PROC: variants seen among roughly 807,000 people sequenced by gnomAD.
PROC encodes the protein protein C, inactivator of coagulation factors Va and VIIIa.
A neutral mutation model predicts 36.3 loss-of-function variants in PROC; 22 were observed. That is an observed-to-expected ratio of 0.61 (90% CI 0.43 to 0.86). The LOEUF is 0.86. PROC is among the 40% of genes least tolerant of loss of function. The pLI is 0.00. For missense variants in PROC, 526 were observed against 629.7 expected, an observed-to-expected ratio of 0.84 and a Z score of 1.76; for synonymous variants, 218 against 244.5, an observed-to-expected ratio of 0.89 and a Z score of 1.01.
Position 127,426,106 on chromosome 2 carries a change from C to T in PROC, c.557C>T (p.Pro186Leu). Residue 186 changes from proline to leucine, a missense_variant, in exon 7 of 9, where the codon CCC (proline) becomes CTC (leucine). Physicochemically the swap from Pro to Leu is moderately conservative, Grantham distance 98. Transcript: ENST00000234071. This position sits in a 1 kb window ranked among gnomAD's most constrained non-coding sequence, Gnocchi z 7.0. The stretch of plus-strand genomic sequence containing the variant: ...TCAGTGAAGTTCCCTTGTGGGAGGC[C>T]CTGGAAGCGGATGGAGAAGAAGCGC... ...HPAVKFPCGR[P>L]WKRMEKKRSH... 1 of 1,614,000 alleles carries T rather than the reference C, an allele frequency of 6.2e-7. No individual in the cohort carries two copies. The highest frequency in any genetic ancestry group is 1.3e-5 in the African/African-American group (1 of 75,000).
chr2:127,420,298 T>C (rs1688015556), intron 2 of PROC, among the ~76,000 whole-genome samples: 1 of 152,050 alleles, frequency 6.6e-6, no homozygotes, highest in South Asian at 2.1e-4. Context: ...GGGCCTTCCC[T>C]CTCCACCCAC....
At chr2:127,423,226 G>C in intron 5 of PROC, 48 bp from the exon 6 acceptor site, 2 of 1,526,838 alleles carry the variant, frequency 1.3e-6, no homozygotes, top group Non-Finnish European at 1.8e-6. Flanking sequence ...GGGCCGGGTT[G>C]GGGGCGCGGC....
At chr2:127,423,583 A>C in intron 6 of PROC, 175 bp downstream of exon 6, 1 of 817,104 alleles carries the variant, frequency 1.2e-6, no homozygotes, top group Non-Finnish European at 1.8e-6. Flanking sequence ...TGTTAGCGCA[A>C]TCAGCCCGGG....
At chr2:127,420,100 A>C in intron 2 of PROC, 88 bp downstream of exon 2, 2 of 1,434,848 alleles carry the variant, frequency 1.4e-6, no homozygotes, top group Non-Finnish European at 1.9e-6. Flanking sequence ...AGCTTCCACC[A>C]TCTCTCTGAG....
At chr2:127,427,904 G>A (rs1688627059) in intron 8 of PROC, among the ~76,000 whole-genome samples, 1 of 152,174 alleles carries the variant, frequency 6.6e-6, no homozygotes, top group Non-Finnish European at 1.5e-5. Context: ...GTGGGACCCG[G>A]CCCTGTCCTC....
rs527647588 is a variant in PROC, at chr2:127,423,177, G to T, written c.400+6G>T. Reference sequence around the variant, plus strand: ...GGGCCGCTTCTGCCAGCGCGGTGAGGGGGAGAGGTGGATGCTGGCGGGCGG... The same window carrying T: ...GGGCCGCTTCTGCCAGCGCGGTGAGTGGGAGAGGTGGATGCTGGCGGGCGG... On this transcript the variant is annotated splice_donor_region_variant and intron_variant, in intron 5 of 8. Transcript: ENST00000234071. 2.0e-4 allele frequency: 309 copies of T among 1,566,326 alleles called. 2 individuals are homozygous for T. The East Asian group carries it at 7.1e-3, about 36-fold the overall frequency.
In PROC at chr2:127,427,214, TC is replaced by T; in HGVS notation, c.789del (p.Arg264GlyfsTer52). The T allele has an allele frequency of 6.2e-7, 1 of 1,612,600 alleles. No homozygotes were observed. The highest frequency in any genetic ancestry group is 2.2e-5 in the East Asian group (1 of 44,876). ...ATGGATGAGTCCAAGAAGCTCCTTGTCAGGCTTGGTATGGGCTGGAGCCAGG... is the reference window on the plus strand; with the variant it reads ...ATGGATGAGTCCAAGAAGCTCCTTGTAGGCTTGGTATGGGCTGGAGCCAGG... ...HCMDESKKLL[V>X]RLGEYDLRRW... On this transcript the variant is annotated frameshift_variant, in exon 8 of 9. Transcript: ENST00000234071. LOFTEE classifies it low-confidence loss of function (END_TRUNC).
rs764737827 is a variant in PROC, at chr2:127,428,419, G to A, written c.859G>A (p.Val287Ile). 5.7e-5 allele frequency: 92 copies of A among 1,613,994 alleles called. No homozygotes were observed. The highest frequency in any genetic ancestry group is 6.9e-5 in the Non-Finnish European group (81 of 1,180,048). Reference sequence around the variant, plus strand: ...GGACCTGGACATCAAGGAGGTCTTCGTCCACCCCAACTACAGCAAGAGCAC... The same window carrying A: ...GGACCTGGACATCAAGGAGGTCTTCATCCACCCCAACTACAGCAAGAGCAC... ...ELDLDIKEVFVHPNYSKSTTD... is the reference protein window; with the variant it reads ...ELDLDIKEVFIHPNYSKSTTD... The change falls in exon 9 of 9, where the codon GTC becomes ATC. Residue 287 changes from valine to isoleucine, a missense_variant. By Grantham distance (29) the Val-to-Ile change is conservative (BLOSUM62 3). Transcript: ENST00000234071.
At chr2:127,422,880 G>C (rs1269909170) in intron 3 of PROC, 37 bp from the exon 4 acceptor site, 15 of 1,547,850 alleles carry the variant, frequency 9.7e-6, no homozygotes, top group Non-Finnish European at 1.1e-5. Flanking sequence ...TCCGCACACC[G>C]GCTGCAGGAG....
chr2:127,427,351 G>T (rs1688577407), intron 8 of PROC, 129 bp downstream of exon 8: 2 of 800,620 alleles, frequency 2.5e-6, no homozygotes, highest in Admixed American at 2.1e-5. Flanking sequence ...TCCACAGAAG[G>T]TGTTTGGGGG....
intron 6 of PROC, among the ~76,000 whole-genome samples, chr2:127,425,675 G>C (rs1688445457): frequency 6.6e-6 from 1 of 152,144 alleles, no homozygotes; most frequent in Non-Finnish European, 1.5e-5. Context: ...CAGGCAGTGG[G>C]CGATGCTGCC....
At position 127,429,171 on chromosome 2, in the gene PROC, G is replaced by C; in HGVS notation, c.*225G>C. 2 of 593,934 alleles carry C rather than the reference G, an allele frequency of 3.4e-6. No individual in the cohort carries two copies. Among genetic ancestry groups the C allele is most frequent in the Non-Finnish European group, 5.9e-6 (2 of 336,402 alleles). 36.8% of individuals were successfully genotyped at this position (593,934 alleles called of 1,614,324 possible). A position where few individuals can be genotyped will look rare whatever the true frequency, so the allele number is the denominator to read the frequency against. The stretch of plus-strand genomic sequence containing the variant: ...GTGGGGAGGAGCAGATCCAAGTTTT[G>C]CGGGGTCTAAAGCTGTGTGTGTTGA... On this transcript the variant is annotated 3_prime_UTR_variant, in exon 9 of 9. Transcript: ENST00000234071.
chr2:127,418,915 GC>G lies in PROC; in HGVS notation c.-22+425del, dbSNP rs1464547664. ...ACTGGGGAGGGTTCCTTGATCTCTG[GC>G]CACCAGGGCTATCTCTGTGGCCTTT... On this transcript the variant is annotated intron_variant, in intron 1 of 8. Coordinates refer to ENST00000234071, the MANE Select transcript of PROC (RefSeq NM_000312.4). The surrounding 1 kb of genome is among the most constrained non-coding windows in gnomAD (Gnocchi z 4.8). Among the ~76,000 whole-genome samples, 2 of 152,196 alleles carry G rather than the reference GC, an allele frequency of 1.3e-5. No individual in the cohort carries two copies. The highest frequency in any genetic ancestry group is 1.5e-5 in the Non-Finnish European group (1 of 68,028).
At position 127,420,019 on chromosome 2, in the gene PROC, C is replaced by T. The variant is rs768681450; in HGVS notation, c.70+7C>T. ...GGCACACCAGCTCCTCTTGGTAAGG[C>T]CACCCCACCCCTACCCCGGGACCCT... On this transcript the variant is annotated splice_region_variant and intron_variant, in intron 2 of 8. Coordinates refer to ENST00000234071, the MANE Select transcript of PROC (RefSeq NM_000312.4). 2 of 1,612,982 alleles carry T rather than the reference C, an allele frequency of 1.2e-6. No individual in the cohort carries two copies. Among genetic ancestry groups the T allele is most frequent in the African/African-American group, 1.3e-5 (1 of 75,040 alleles).
At position 127,423,424 on chromosome 2, in the gene PROC, T is replaced by C; in HGVS notation, c.535+16T>C. 2.6e-6 allele frequency: 4 copies of C among 1,546,630 alleles called. No homozygotes were observed. The highest frequency in any genetic ancestry group is 3.5e-6 in the Non-Finnish European group (4 of 1,145,218). The stretch of plus-strand genomic sequence containing the variant: ...CACCCCGCAGGTGAGAAGCCCCCAA[T>C]ACATCGCCCAGGAATCACGCTGGGT... On this transcript the variant is annotated intron_variant, in intron 6 of 8. Coordinates refer to ENST00000234071, the MANE Select transcript of PROC (RefSeq NM_000312.4).
rs551076149 is a variant in PROC at position 127,418,737 on chromosome 2, C to T, written c.-22+245C>T. 2.0e-5 allele frequency among the ~76,000 whole-genome samples: 3 copies of T among 152,350 alleles called. No individual in the cohort carries two copies. The East Asian group carries it at 5.8e-4, about 29-fold the overall frequency. ...CAGGGCCCAGGGCCATTCCAACAGA[C>T]AGTTTGGAGCCCAGGACCCTCCATT... On this transcript the variant is annotated intron_variant, in intron 1 of 8. Transcript: ENST00000234071. This position sits in a 1 kb window ranked among gnomAD's most constrained non-coding sequence, Gnocchi z 4.8.
chr2:127,423,496 G>A (rs1306972358), intron 6 of PROC, 88 bp downstream of exon 6: 10 of 1,493,638 alleles, frequency 6.7e-6, no homozygotes, highest in East Asian at 2.6e-5. Flanking sequence ...GGGGGCTCAG[G>A]AGGGTTTCTA....
intron 6 of PROC, among the ~76,000 whole-genome samples, chr2:127,424,579 C>T (rs1688361367): frequency 6.6e-6 from 1 of 152,220 alleles, no homozygotes; most frequent in African/African-American, 2.4e-5. Flanking sequence ...TAGCTCAGAC[C>T]AATAATTCCA....
In PROC at chr2:127,428,644, T is replaced by A. The variant is rs2104983099; in HGVS notation, c.1084T>A (p.Phe362Ile). Reference protein sequence around the residue: ...AKRNRTFVLNFIKIPVVPHNE... With the variant: ...AKRNRTFVLNIIKIPVVPHNE... ...GAGAAACCGCACCTTCGTCCTCAAC[T>A]TCATCAAGATTCCCGTGGTCCCGCA... The change falls in exon 9 of 9, where the codon TTC becomes ATC. Residue 362 changes from phenylalanine to isoleucine, a missense_variant. Coordinates refer to ENST00000234071, the MANE Select transcript of PROC (RefSeq NM_000312.4). The A allele has an allele frequency of 1.2e-6, 2 of 1,614,018 alleles. No homozygotes were observed. Among genetic ancestry groups the A allele is most frequent in the Non-Finnish European group, 1.7e-6 (2 of 1,180,042 alleles).
Sources: gnomAD v4.1 joint callset for allele counts (sites outside exome capture counted in the v4.1 genomes callset) on GRCh38, gnomAD v4.1.1 for gene constraint, Gnocchi (gnomAD v3.1) non-coding constraint, MANE v1.5 for transcripts, NCBI Gene and HGNC (gene_info 2026-07-23, HGNC 2026-07-21) for gene names.